The following OXR1 variants were observed in gnomAD, a reference collection of about 807,000 sequenced individuals.
The protein encoded by OXR1 is oxidation resistance 1, also known as oxidation resistance protein 1.
In OXR1, 41 loss-of-function variants were observed where a neutral mutation model predicts 104.6. The observed-to-expected ratio is 0.39, with a 90% CI of 0.31 to 0.51. The LOEUF is 0.51. Ranked by LOEUF, OXR1 falls within the 20% of genes least tolerant of loss-of-function variation. The probability of loss-of-function intolerance (pLI) is 0.77; values close to 1 mark genes in which losing one functional copy is unlikely to be tolerated. For synonymous variants in OXR1, 348 were observed against 348.4 expected (o/e 1.00, Z 0.01); for missense variants, 955 against 1,031.9 (o/e 0.93, Z 1.02).
intron 1 of OXR1, among the ~76,000 whole-genome samples, chr8:106,302,626 A>G (rs1813291149): frequency 6.6e-6 from 1 of 151,892 alleles, no homozygotes; most frequent in Admixed American, 6.6e-5. Flanking sequence ...ATTATGACCT[A>G]GGTATAATAT....
chr8:106,461,199 T>C (rs1820893498), intron 2 of OXR1, among the ~76,000 whole-genome samples: 1 of 152,118 alleles, frequency 6.6e-6, no homozygotes, highest in African/African-American at 2.4e-5. Context: ...CAAATTCAGA[T>C]CTGGCTAGAG....
chr8:106,711,008 A>T (rs1831628671), intron 10 of OXR1, among the ~76,000 whole-genome samples: 2 of 152,136 alleles, frequency 1.3e-5, no homozygotes, highest in Non-Finnish European at 2.9e-5. Context: ...GTGAACAAAT[A>T]TCCAATTTGG....
intron 2 of OXR1, among the ~76,000 whole-genome samples, chr8:106,426,386 A>C (rs10087886): frequency 0.23 from 35,508 of 151,964 alleles, 5,895 homozygotes; most frequent in African/African-American, 0.45. Flanking sequence ...AAAGATCATA[A>C]CCGAATCTAT....
At chr8:106,454,281 T>A (rs1252439905) in intron 2 of OXR1, among the ~76,000 whole-genome samples, 7 of 151,786 alleles carry the variant, frequency 4.6e-5, no homozygotes, top group Non-Finnish European at 8.8e-5. Flanking sequence ...GGCAACATGG[T>A]GAAATCCTGT....
chr8:106,726,214 T>A, intron 11 of OXR1: 2 of 1,514,144 alleles, frequency 1.3e-6, no homozygotes, highest in Non-Finnish European at 1.8e-6. Flanking sequence ...TTACGTGATT[T>A]TATGTAACTT....
intron 2 of OXR1, among the ~76,000 whole-genome samples, 196 bp from the exon 3 acceptor site, chr8:106,518,747 G>C (rs1813041643): frequency 6.6e-6 from 1 of 152,080 alleles, no homozygotes. Context: ...TTAGGCAGAA[G>C]ATATTTTTCC....
chr8:106,693,874 G>T (rs971764139), intron 7 of OXR1, among the ~76,000 whole-genome samples: 2 of 152,068 alleles, frequency 1.3e-5, no homozygotes, highest in Non-Finnish European at 2.9e-5. Context: ...ACTGCCTTTA[G>T]AATTCACACA....
intron 2 of OXR1, among the ~76,000 whole-genome samples, chr8:106,378,004 T>A (rs1365445877): frequency 1.3e-5 from 2 of 152,190 alleles, no homozygotes; most frequent in Non-Finnish European, 2.9e-5. Flanking sequence ...TTTATTTTGT[T>A]GTGTTCTTTT....
chr8:106,506,429 TG>T (rs1812167361), intron 2 of OXR1, among the ~76,000 whole-genome samples: 2 of 152,000 alleles, frequency 1.3e-5, no homozygotes, highest in South Asian at 4.1e-4. Context: ...CTGGCTAACA[TG>T]GTGAAACCCC....
chr8:106,604,393 T>G (rs1820207603), intron 3 of OXR1, among the ~76,000 whole-genome samples: 1 of 152,122 alleles, frequency 6.6e-6, no homozygotes, highest in South Asian at 2.1e-4. Context: ...TGACCTCAAG[T>G]AATCCACCCG....
intron 3 of OXR1, chr8:106,657,718 A>C (rs1825254206): frequency 3.7e-6 from 2 of 540,652 alleles, no homozygotes. Context: ...TGACAAGCTA[A>C]GTTCTGCCTC....
intron 3 of OXR1, among the ~76,000 whole-genome samples, chr8:106,678,744 T>G (rs548245649): frequency 2.6e-5 from 4 of 152,116 alleles, no homozygotes; most frequent in African/African-American, 9.6e-5. Context: ...AGTTCATAAT[T>G]TAATCCCATA....
chr8:106,426,170 C>T (rs1026012024), intron 2 of OXR1, among the ~76,000 whole-genome samples: 4 of 152,106 alleles, frequency 2.6e-5, no homozygotes, highest in African/African-American at 9.7e-5. Flanking sequence ...ATAATATTTC[C>T]CCCTCTGACC....
intron 1 of OXR1, among the ~76,000 whole-genome samples, chr8:106,298,052 A>C (rs927143841): frequency 1.3e-5 from 2 of 152,302 alleles, no homozygotes; most frequent in East Asian, 3.9e-4. Context: ...GCTGGTAGTC[A>C]ACAGCAATTT....
intron 1 of OXR1, among the ~76,000 whole-genome samples, chr8:106,323,112 A>T (rs550295448): frequency 6.6e-6 from 1 of 152,216 alleles, no homozygotes; most frequent in South Asian, 2.1e-4. Context: ...ACAAAGCTGG[A>T]GGCATCTTTA....
At chr8:106,660,746 C>T (rs1473423866) in intron 3 of OXR1, among the ~76,000 whole-genome samples, 1 of 152,154 alleles carries the variant, frequency 6.6e-6, no homozygotes, top group African/African-American at 2.4e-5. Flanking sequence ...GTTGCGGTGG[C>T]TCACGTCGGT....
At chr8:106,389,298 T>C (rs1817504393) in intron 2 of OXR1, among the ~76,000 whole-genome samples, 1 of 152,218 alleles carries the variant, frequency 6.6e-6, no homozygotes, top group Non-Finnish European at 1.5e-5. Context: ...GTTTTAACTT[T>C]ATAAGGAAAG....
intron 2 of OXR1, among the ~76,000 whole-genome samples, chr8:106,372,734 C>A (rs1398147466): frequency 6.6e-6 from 1 of 152,086 alleles, no homozygotes; most frequent in Non-Finnish European, 1.5e-5. Context: ...GGGTGCCACC[C>A]CTGAGTTATC....
At chr8:106,301,015 T>A (rs1220397824) in intron 1 of OXR1, among the ~76,000 whole-genome samples, 2 of 152,202 alleles carry the variant, frequency 1.3e-5, no homozygotes, top group Non-Finnish European at 2.9e-5. Flanking sequence ...CAAACCCATA[T>A]GTTTTAAAAT....
Sources: gnomAD v4.1 joint callset for allele counts (sites outside exome capture counted in the v4.1 genomes callset) on GRCh38, gnomAD v4.1.1 for gene constraint, MANE v1.5 for transcripts, NCBI Gene and HGNC (gene_info 2026-07-23, HGNC 2026-07-21) for gene names.